MUC17: variants seen among roughly 807,000 people sequenced by gnomAD.
The protein encoded by MUC17 is mucin-17.
Under a neutral mutation model 170.3 loss-of-function variants are expected in MUC17, and 190 were observed. The ratio of observed to expected loss-of-function variants is 1.12; its 90% CI spans 0.99 to 1.26. The LOEUF (loss-of-function observed/expected upper bound fraction) is 1.26. Among genes scored for constraint, MUC17 ranks in the 50% most tolerant of loss-of-function variants. The pLI is 0.00. For missense variants in MUC17, 6,415 were observed against 5,530.0 expected, an observed-to-expected ratio of 1.16 and a Z score of -5.08; for synonymous variants, 2,325 against 2,002.5, an observed-to-expected ratio of 1.16 and a Z score of -4.30.
Position 101,036,126 on chromosome 7 carries a change from AG to A in MUC17, c.4712del (p.Gly1571GlufsTer5). On this transcript the variant is annotated frameshift_variant, in exon 3 of 13. Transcript: ENST00000306151. LOFTEE classifies it high-confidence loss of function. ...GCATGCAAACCTCAACTTATAGTGAAGGAAGCACTCCACTAACAAGTTTGCC... is the reference window on the plus strand; with the variant it reads ...GCATGCAAACCTCAACTTATAGTGAAGAAGCACTCCACTAACAAGTTTGCC... ...TSMQTSTYSE[G>X]STPLTSLPVS... 3 of 1,613,202 alleles carry A rather than the reference AG, an allele frequency of 1.9e-6. No homozygotes were observed. Among genetic ancestry groups the A allele is most frequent in the Non-Finnish European group, 2.5e-6 (3 of 1,179,420 alleles).
In MUC17 at chr7:101,037,456, A is replaced by G. The variant is rs746164295; in HGVS notation, c.6040A>G (p.Thr2014Ala). The G allele has an allele frequency of 1.2e-6, 2 of 1,611,372 alleles. No homozygotes were observed. The highest frequency in any genetic ancestry group is 3.3e-5 in the Admixed American group (2 of 59,922). Residue 2014 changes from threonine to alanine, a missense_variant, in exon 3 of 13, where the codon ACT becomes GCT. Transcript: ENST00000306151. ...TLSTTPVDTS[T>A]PATTSTEGSS... ...TTCCACAACTCCTGTTGACACCAGC[A>G]CTCCTGCCACCACTTCTACTGAAGG...
chr7:101,056,726 T>A (rs1795052445), intron 12 of MUC17, among the ~76,000 whole-genome samples: 1 of 152,222 alleles, frequency 6.6e-6, no homozygotes, highest in Non-Finnish European at 1.5e-5. Flanking sequence ...ACACTTGATC[T>A]CTAACCATTT....
In MUC17 at chr7:101,031,221, G is replaced by C. The variant is rs771397257; in HGVS notation, c.184G>C (p.Gly62Arg). The change falls in exon 2 of 13, where the codon GGT becomes CGT. Residue 62 changes from glycine (G) to arginine (R), a missense_variant and splice_region_variant. By Grantham distance (125) the Gly-to-Arg change is moderately radical. Transcript: ENST00000306151. ...CQQLSQHVRT[G>R]SAANTATGTT... ...GCAGCTGTCTCAGCACGTTAGGACA[G>C]GTAAGGCAACAGACTCCAAGATCTA... The C allele has an allele frequency of 6.2e-7, 1 of 1,611,466 alleles. No homozygotes were observed. Among genetic ancestry groups the C allele is most frequent in the Middle Eastern group, 1.7e-4 (1 of 6,036 alleles).
At chr7:101,056,990 T>C (rs1050605641) in intron 12 of MUC17, among the ~76,000 whole-genome samples, 1 of 152,158 alleles carries the variant, frequency 6.6e-6, no homozygotes, top group African/African-American at 2.4e-5. Flanking sequence ...TTGAAAAATG[T>C]CTCACACTCC....
rs1794593670 is a variant in MUC17, at chr7:101,039,056, T to C, written c.7640T>C (p.Val2547Ala). 1 of 1,607,838 alleles carries C rather than the reference T, an allele frequency of 6.2e-7. No individual in the cohort carries two copies. Among genetic ancestry groups the C allele is most frequent in the South Asian group, 1.1e-5 (1 of 90,766 alleles). Residue 2547 changes from valine (V) to alanine (A), a missense_variant, in exon 3 of 13, where the codon GTC becomes GCC. Physicochemically the swap from Val to Ala is moderately conservative, Grantham distance 64 (BLOSUM62 0). Coordinates refer to ENST00000306151, the MANE Select transcript of MUC17 (RefSeq NM_001040105.2). ...CCTGTTGACTCCAACAGTCCTGTGG[T>C]CACTTCTACTGAAATCAGTTCATCT... ...TTPVDSNSPV[V>A]TSTEISSSAT... is the part of the protein sequence containing the mutation.
At position 101,049,333 on chromosome 7, in the gene MUC17, G is replaced by C. The variant is rs1456784146; in HGVS notation, c.12673G>C (p.Val4225Leu). ...GCCCCTTGCCTTTCAGATGAATATT[G>C]TGTATTCCGGGATCCCTGAGTATGT... ...KQTFTEQMNI[V>L]YSGIPEYVGV... The change falls in exon 6 of 13, where the codon GTG becomes CTG. Residue 4225 changes from valine to leucine, a missense_variant. By Grantham distance (32) the Val-to-Leu change is conservative. Coordinates refer to ENST00000306151, the MANE Select transcript of MUC17 (RefSeq NM_001040105.2). 5.0e-6 allele frequency: 8 copies of C among 1,614,044 alleles called. No homozygotes were observed. In the African/African-American group the frequency reaches 1.1e-4, roughly 22 times the overall value.
At position 101,042,971 on chromosome 7, in the gene MUC17, C is replaced by T; in HGVS notation, c.11555C>T (p.Ala3852Val). ...TSTPLLTSTK[A>V]GSFSIPAEVT... ...ACACCTTTGCTCACCTCTACCAAAGCCGGTTCATTCTCCATACCTGCTGAA... is the reference window on the plus strand; with the variant it reads ...ACACCTTTGCTCACCTCTACCAAAGTCGGTTCATTCTCCATACCTGCTGAA... Residue 3852 changes from alanine to valine, a missense_variant, in exon 3 of 13, where the codon GCC becomes GTC. Ala to Val is a moderately conservative substitution (Grantham distance 64, BLOSUM62 0). Coordinates refer to ENST00000306151, the MANE Select transcript of MUC17 (RefSeq NM_001040105.2). The T allele has an allele frequency of 4.3e-6, 7 of 1,614,170 alleles. No homozygotes were observed. Among genetic ancestry groups the T allele is most frequent in the Non-Finnish European group, 5.9e-6 (7 of 1,180,038 alleles).
intron 1 of MUC17, among the ~76,000 whole-genome samples, chr7:101,022,969 C>G (rs996176345): frequency 6.6e-6 from 1 of 152,180 alleles, no homozygotes; most frequent in African/African-American, 2.4e-5. Flanking sequence ...GCACAGCAAT[C>G]TCCGTGCCTT....
chr7:101,039,647 C>T lies in MUC17; in HGVS notation c.8231C>T (p.Ser2744Leu). ...TTAEGTSMRI[S>L]TPSDGSTPLT... ...GCTGAAGGTACCAGCATGCGAATCT[C>T]AACTCCTAGTGATGGAAGTACTCCA... The change falls in exon 3 of 13, where the codon TCA becomes TTA. Residue 2744 changes from serine (S) to leucine (L), a missense_variant. Coordinates refer to ENST00000306151, the MANE Select transcript of MUC17 (RefSeq NM_001040105.2). 6.2e-7 allele frequency: 1 copy of T among 1,612,896 alleles called. No individual in the cohort carries two copies. The highest frequency in any genetic ancestry group is 8.5e-7 in the Non-Finnish European group (1 of 1,179,630).
chr7:101,053,046 G>A lies in MUC17; in HGVS notation c.13164G>A (p.Lys4388=). Residue 4388 remains lysine, a synonymous_variant, in exon 10 of 13, where the codon AAG becomes AAA. Coordinates refer to ENST00000306151, the MANE Select transcript of MUC17 (RefSeq NM_001040105.2). ...AGACCTGTAACCAGGGCACCCAGAA[G>A]AGTCTGGTGTACGGCCTCGTGGGGG... ...SGETCNQGTQ[K]SLVYGLVGAG... is the part of the protein sequence containing the mutation. The A allele has an allele frequency of 1.2e-6, 2 of 1,614,182 alleles. No individual in the cohort carries two copies. The highest frequency in any genetic ancestry group is 1.3e-5 in the African/African-American group (1 of 75,048).
Position 101,037,602 on chromosome 7 carries a change from C to A in MUC17, c.6186C>A (p.Asn2062Lys), listed in dbSNP as rs980587307. Reference sequence around the variant, plus strand: ...CGCTTGTGGTCAGTTCTGAGGGTAACACCCTTTCAACAACTCCTGTTGACT... The same window carrying A: ...CGCTTGTGGTCAGTTCTGAGGGTAAAACCCTTTCAACAACTCCTGTTGACT... The part of the protein sequence containing the change: ...STTLVVSSEG[N>K]TLSTTPVDSK... Residue 2062 changes from asparagine (N) to lysine (K), a missense_variant, in exon 3 of 13, where the codon AAC (asparagine) becomes AAA (lysine). Asn to Lys is a moderately conservative substitution (Grantham distance 94). Transcript: ENST00000306151. 1.2e-6 allele frequency: 2 copies of A among 1,613,918 alleles called. No individual in the cohort carries two copies. Among genetic ancestry groups the A allele is most frequent in the Non-Finnish European group, 1.7e-6 (2 of 1,179,894 alleles).
Position 101,038,860 on chromosome 7 carries a change from G to C in MUC17, c.7444G>C (p.Asp2482His), listed in dbSNP as rs1228258168. 15 of 1,612,766 alleles carry C rather than the reference G, an allele frequency of 9.3e-6. No homozygotes were observed. Among genetic ancestry groups the C allele is most frequent in the Non-Finnish European group, 1.3e-5 (15 of 1,179,538 alleles). Reference protein sequence around the residue: ...EAGTLSTTPVDTSTPMTTSTE... With the variant: ...EAGTLSTTPVHTSTPMTTSTE... The stretch of plus-strand genomic sequence containing the variant: ...TGGCACCCTTTCCACAACTCCTGTT[G>C]ACACCAGCACACCTATGACCACTTC... The change falls in exon 3 of 13, where the codon GAC (aspartate) becomes CAC (histidine). Residue 2482 changes from aspartate to histidine, a missense_variant. Physicochemically the swap from Asp to His is moderately conservative, Grantham distance 81. Transcript: ENST00000306151.
chr7:101,025,159 G>C (rs1368467556), intron 1 of MUC17, among the ~76,000 whole-genome samples: 1 of 152,026 alleles, frequency 6.6e-6, no homozygotes, highest in Admixed American at 6.6e-5. Flanking sequence ...GAGCCCAGAA[G>C]TTTGAGACCA....
intron 1 of MUC17, among the ~76,000 whole-genome samples, chr7:101,023,069 G>GGAAA (rs147534155): frequency 6.6e-6 from 1 of 152,178 alleles, no homozygotes. Flanking sequence ...GAAGTCGCCA[G>GGAAA]GGAAGGGTCT....
rs1313812479 is a variant in MUC17, at chr7:101,051,695, CA to C, written c.12943+16del. The C allele has an allele frequency of 6.2e-7, 1 of 1,610,880 alleles. No homozygotes were observed. The highest frequency in any genetic ancestry group is 8.5e-7 in the Non-Finnish European group (1 of 1,178,666). ...ACGACCCTGAAGGTAGGTGATAACA[CA>C]AGGGGTTTGGGGGAAGGCTGGAGAG... On this transcript the variant is annotated intron_variant, in intron 8 of 12. Coordinates refer to ENST00000306151, the MANE Select transcript of MUC17 (RefSeq NM_001040105.2).
In MUC17 at chr7:101,042,873, C is replaced by G; in HGVS notation, c.11457C>G (p.Val3819=). 1 of 1,614,134 alleles carries G rather than the reference C, an allele frequency of 6.2e-7. No homozygotes were observed. The highest frequency in any genetic ancestry group is 8.5e-7 in the Non-Finnish European group (1 of 1,180,024). The change falls in exon 3 of 13, where the codon GTC becomes GTG. Residue 3819 remains valine (V), a synonymous_variant. Transcript: ENST00000306151. The stretch of plus-strand genomic sequence containing the variant: ...AAAGAAGCACTTTATTGACAACTGT[C>G]CTCATCAGCCCTATATCTGTGATGA... ...TSERSTLLTT[V]LISPISVMSP...
Position 101,043,095 on chromosome 7 carries a change from C to G in MUC17, c.11679C>G (p.Ser3893Arg). 3 of 1,614,196 alleles carry G rather than the reference C, an allele frequency of 1.9e-6. No homozygotes were observed. Among genetic ancestry groups the G allele is most frequent in the Non-Finnish European group, 2.5e-6 (3 of 1,180,032 alleles). Residue 3893 changes from serine to arginine, a missense_variant, in exon 3 of 13, where the codon AGC becomes AGG. Ser to Arg is a moderately radical substitution (Grantham distance 110, BLOSUM62 -1). Coordinates refer to ENST00000306151, the MANE Select transcript of MUC17 (RefSeq NM_001040105.2). ...TTLPTSFPGA[S>R]IASTPPLDTS... is the part of the protein sequence containing the mutation. ...TTCCAACTAGCTTTCCTGGGGCCAG[C>G]ATAGCTTCGACACCTCCTCTTGACA... is the stretch of plus-strand genomic sequence containing the variant.
chr7:101,025,889 C>T (rs549726969), intron 1 of MUC17, among the ~76,000 whole-genome samples: 2 of 151,632 alleles, frequency 1.3e-5, no homozygotes, highest in East Asian at 1.9e-4. Flanking sequence ...ACCCAGGAGG[C>T]GGAGATTGCA....
At chr7:101,044,082 C>T (rs1475128467) in intron 3 of MUC17, among the ~76,000 whole-genome samples, 1 of 152,126 alleles carries the variant, frequency 6.6e-6, no homozygotes, top group Non-Finnish European at 1.5e-5. Flanking sequence ...TGAGTGAGAA[C>T]ATTTGGTGTT....
Sources: gnomAD v4.1 joint callset for allele counts (sites outside exome capture counted in the v4.1 genomes callset) on GRCh38, gnomAD v4.1.1 for gene constraint, MANE v1.5 for transcripts, NCBI Gene and HGNC (gene_info 2026-07-23, HGNC 2026-07-21) for gene names.